The following GABRB3 variants were observed in gnomAD, a reference collection of about 807,000 sequenced individuals.
GABRB3 encodes the protein gamma-aminobutyric acid receptor subunit beta-3.
GABRB3 carries 14 observed loss-of-function variants against 52.1 expected under a neutral mutation model. The ratio of observed to expected loss-of-function variants is 0.27; its 90% CI spans 0.18 to 0.42. The LOEUF is 0.42. Among genes scored for constraint, GABRB3 ranks in the 10% least tolerant of loss-of-function variants. The pLI, the probability that GABRB3 is intolerant of heterozygous loss-of-function variation, is 1.00. For synonymous variants in GABRB3, 260 were observed against 232.3 expected (o/e 1.12, Z -1.08); for missense variants, 307 against 609.1 (o/e 0.50, Z 5.22).
chr15:26,767,176 C>G (rs1199842790), intron 3 of GABRB3: 1 of 152,192 alleles, frequency 6.6e-6, no homozygotes, highest in Non-Finnish European at 1.5e-5. Context: ...AACCTAGAGC[C>G]AAGCACAGAC....
At chr15:26,622,024 C>T (rs1892502506) in intron 3 of GABRB3, among the ~76,000 whole-genome samples, 1 of 152,184 alleles carries the variant, frequency 6.6e-6, no homozygotes, top group South Asian at 2.1e-4. Flanking sequence ...CTTCCATAAA[C>T]ATCCTCTGGA....
chr15:26,742,309 A>G (rs754290098), intron 3 of GABRB3, among the ~76,000 whole-genome samples: 17 of 149,166 alleles, frequency 1.1e-4, no homozygotes, highest in Non-Finnish European at 1.9e-4. Context: ...TGGCGTGAAT[A>G]TTGTCCCATC....
chr15:26,703,329 G>C lies in GABRB3; in HGVS notation c.240+69073C>G, dbSNP rs144384039. Among the ~76,000 whole-genome samples the C allele has an allele frequency of 5.3e-4, 81 of 152,252 alleles. 1 individual carries two copies. The East Asian group carries it at 7.0e-3, about 13-fold the overall frequency. ...AACAGAAAACCAATCCCTCAGTCAA[G>C]ACCGTTTGCAAGGACCCCTGATCCC... On this transcript the variant is annotated intron_variant, in intron 3 of 8. Transcript: ENST00000311550.
chr15:26,566,928 C>A (rs1379881991), intron 7 of GABRB3, among the ~76,000 whole-genome samples: 4 of 152,208 alleles, frequency 2.6e-5, no homozygotes, highest in Non-Finnish European at 4.4e-5. Flanking sequence ...TCTGTACTTA[C>A]ATAAACGTAT....
intron 3 of GABRB3, among the ~76,000 whole-genome samples, chr15:26,733,160 A>T (rs1889979216): frequency 2.0e-5 from 3 of 152,194 alleles, no homozygotes; most frequent in African/African-American, 7.2e-5. Context: ...CAGCAATTAG[A>T]CAAGAAAAAT....
At position 26,548,066 on chromosome 15, in the gene GABRB3, G is replaced by T; in HGVS notation, c.1149C>A (p.Gly383=). 2 of 1,614,098 alleles carry T rather than the reference G, an allele frequency of 1.2e-6. No homozygotes were observed. The highest frequency in any genetic ancestry group is 1.7e-6 in the Non-Finnish European group (2 of 1,180,016). Residue 383 remains glycine (G), a synonymous_variant, in exon 9 of 9, where the codon GGC becomes GGA. Coordinates refer to ENST00000311550, the MANE Select transcript of GABRB3 (RefSeq NM_000814.6). ...EVHNEMNEVS[G]GIGDTRNSAI... The stretch of plus-strand genomic sequence containing the variant: ...CTGAATTCCTGGTATCGCCAATGCC[G>T]CCTGAGACCTCATTCATTTCATTGT...
At chr15:26,603,745 TA>T (rs1891669961) in intron 4 of GABRB3, among the ~76,000 whole-genome samples, 1 of 151,736 alleles carries the variant, frequency 6.6e-6, no homozygotes, top group African/African-American at 2.4e-5. Context: ...AAAAAAGCAC[TA>T]AAAAAACTAA....
intron 4 of GABRB3, among the ~76,000 whole-genome samples, chr15:26,608,657 T>C (rs1292529984): frequency 6.6e-6 from 1 of 152,078 alleles, no homozygotes; most frequent in East Asian, 1.9e-4. Flanking sequence ...GAGACATTTC[T>C]CAAAAGAAGA....
chr15:26,625,784 G>T (rs1308367585), intron 3 of GABRB3, among the ~76,000 whole-genome samples: 1 of 152,174 alleles, frequency 6.6e-6, no homozygotes, highest in Non-Finnish European at 1.5e-5. Flanking sequence ...TATGGTTCCT[G>T]CTGGCTGACA....
At chr15:26,656,137 GC>G (rs907160174) in intron 3 of GABRB3, among the ~76,000 whole-genome samples, 1 of 152,106 alleles carries the variant, frequency 6.6e-6, no homozygotes, top group African/African-American at 2.4e-5. Flanking sequence ...CCTCTGTCAG[GC>G]CGCGTGGTAC....
intron 3 of GABRB3, among the ~76,000 whole-genome samples, chr15:26,709,567 G>C (rs1312944568): frequency 1.5e-5 from 2 of 136,192 alleles, no homozygotes; most frequent in Non-Finnish European, 3.1e-5. Context: ...GCCCAGACTG[G>C]AGTGCAGTGG....
chr15:26,658,936 C>T (rs747201926), intron 3 of GABRB3, among the ~76,000 whole-genome samples: 13 of 152,312 alleles, frequency 8.5e-5, no homozygotes, highest in Admixed American at 4.6e-4. Context: ...AGAATCACTA[C>T]GCTAAAATAA....
chr15:26,635,440 A>G (rs1398573738), intron 3 of GABRB3, among the ~76,000 whole-genome samples: 2 of 151,948 alleles, frequency 1.3e-5, no homozygotes, highest in African/African-American at 2.4e-5. Context: ...TGATTTATGG[A>G]GTTTGTATTA....
rs975508044 is a variant in GABRB3 at position 26,621,475 on chromosome 15, A to G, written c.300T>C (p.Ser100=). The change falls in exon 4 of 9, where the codon TCT becomes TCC. Residue 100 remains serine, a synonymous_variant. Coordinates refer to ENST00000311550, the MANE Select transcript of GABRB3 (RefSeq NM_000814.6). This position sits in a 1 kb window ranked among gnomAD's most constrained non-coding sequence, Gnocchi z 4.1. ...QYWRDKRLAY[S]GIPLNLTLDN... is the part of the protein sequence containing the mutation. The stretch of plus-strand genomic sequence containing the variant: ...CAAGCGTGAGGTTGAGAGGGATCCC[A>G]GAATAGGCGAGCCTTTTATCTCTCC... 1.2e-6 allele frequency: 2 copies of G among 1,614,200 alleles called. No individual in the cohort carries two copies. The highest frequency in any genetic ancestry group is 1.7e-5 in the Admixed American group (1 of 60,032).
At chr15:26,566,252 C>A (rs1035796060) in intron 7 of GABRB3, among the ~76,000 whole-genome samples, 2 of 151,948 alleles carry the variant, frequency 1.3e-5, no homozygotes, top group African/African-American at 4.8e-5. Flanking sequence ...CACTTAACAC[C>A]CTTAGGAATA....
At chr15:26,679,772 T>G (rs1483883948) in intron 3 of GABRB3, among the ~76,000 whole-genome samples, 1 of 152,116 alleles carries the variant, frequency 6.6e-6, no homozygotes, top group Non-Finnish European at 1.5e-5. Context: ...CTGCATCAGA[T>G]GAAATGCTGC....
intron 7 of GABRB3, among the ~76,000 whole-genome samples, chr15:26,565,311 T>A (rs1422067011): frequency 6.6e-6 from 1 of 152,168 alleles, no homozygotes; most frequent in African/African-American, 2.4e-5. Flanking sequence ...AGGGAATGCA[T>A]GTGCAGGTGT....
chr15:26,772,284 G>A, intron 3 of GABRB3, 118 bp downstream of exon 3: 2 of 886,152 alleles, frequency 2.3e-6, no homozygotes, highest in Non-Finnish European at 3.5e-6. Flanking sequence ...GGCTCCCTCT[G>A]CGGACCGGGG....
At chr15:26,565,865 C>CT (rs1283299875) in intron 7 of GABRB3, among the ~76,000 whole-genome samples, 2 of 152,140 alleles carry the variant, frequency 1.3e-5, no homozygotes, top group African/African-American at 2.4e-5. Flanking sequence ...TCATACGCCT[C>CT]TTCTAGGCTT....
Sources: allele counts gnomAD v4.1 joint callset (sites outside exome capture counted in the v4.1 genomes callset), GRCh38; gene constraint gnomAD v4.1.1; non-coding constraint Gnocchi (gnomAD v3.1); transcripts MANE v1.5; gene names NCBI Gene and HGNC (gene_info 2026-07-23, HGNC 2026-07-21).